The following NEK10 variants were observed in gnomAD, a reference collection of about 807,000 sequenced individuals.
NEK10 encodes the protein serine/threonine-protein kinase Nek10.
NEK10 carries 122 observed loss-of-function variants against 159.8 expected under a neutral mutation model. The observed-to-expected ratio is 0.76, with a 90% CI of 0.66 to 0.89. The LOEUF is 0.89. NEK10 is among the 40% of genes least tolerant of loss of function. The probability of loss-of-function intolerance (pLI) is 0.00; values close to 1 mark genes in which losing one functional copy is unlikely to be tolerated. For synonymous variants in NEK10, 466 were observed against 457.1 expected (o/e 1.02, Z -0.25); for missense variants, 1,342 against 1,323.1 (o/e 1.01, Z -0.22).
chr3:27,183,840 T>G (rs1473749681), intron 26 of NEK10, among the ~76,000 whole-genome samples: 2 of 152,290 alleles, frequency 1.3e-5, no homozygotes, highest in Non-Finnish European at 1.5e-5. Flanking sequence ...AACATAAATG[T>G]GCTCAACCTC....
rs1939083532 is a variant in NEK10 at position 27,107,221 on chromosome 3, T to C, written c.*4051A>G. Among the ~76,000 whole-genome samples the C allele has an allele frequency of 6.6e-6, 1 of 152,046 alleles. No individual in the cohort carries two copies. The highest frequency in any genetic ancestry group is 1.5e-5 in the Non-Finnish European group (1 of 68,018). On this transcript the variant is annotated 3_prime_UTR_variant, in exon 36 of 36. Coordinates refer to ENST00000691995, the MANE Select transcript of NEK10 (RefSeq NM_001394966.1). ...AACTATTGCCCATGAACTCAGAAAA[T>C]ATGTAAATTGGCAATATCCATCAGA...
chr3:27,230,255 A>C (rs906746554), intron 23 of NEK10, among the ~76,000 whole-genome samples: 1 of 152,088 alleles, frequency 6.6e-6, no homozygotes, highest in African/African-American at 2.4e-5. Context: ...CAAGATTTGT[A>C]TAGCCAGTAG....
chr3:27,175,689 G>A (rs548635537), intron 26 of NEK10, among the ~76,000 whole-genome samples: 4 of 152,314 alleles, frequency 2.6e-5, no homozygotes, highest in African/African-American at 7.2e-5. Context: ...CGCAGCAAGC[G>A]TGAAGAGCCT....
In NEK10 at chr3:27,182,058, T is replaced by C. The variant is rs923679986; in HGVS notation, c.2506-7225A>G. 2.0e-5 allele frequency among the ~76,000 whole-genome samples: 3 copies of C among 152,132 alleles called. 1 individual carries two copies. The South Asian group carries it at 6.2e-4, about 32-fold the overall frequency. ...CTTACAGGGCTTGTTTTGAGACTTATTAAAAAGCTACAATATCAAAAGATA... is the reference window on the plus strand; with the variant it reads ...CTTACAGGGCTTGTTTTGAGACTTACTAAAAAGCTACAATATCAAAAGATA... On this transcript the variant is annotated intron_variant, in intron 26 of 35. Transcript: ENST00000691995.
intron 6 of NEK10, among the ~76,000 whole-genome samples, chr3:27,315,028 C>T (rs953660219): frequency 4.6e-5 from 7 of 152,192 alleles, no homozygotes; most frequent in Non-Finnish European, 8.8e-5. Context: ...TCTCCTGATA[C>T]AGGACTTTAA....
At chr3:27,320,705 C>T (rs1476595126) in intron 6 of NEK10, among the ~76,000 whole-genome samples, 2 of 152,210 alleles carry the variant, frequency 1.3e-5, no homozygotes, top group African/African-American at 4.8e-5. Context: ...GATGCCCTGG[C>T]TCACATATCC....
chr3:27,322,471 C>T (rs796336208), intron 5 of NEK10, among the ~76,000 whole-genome samples: 1 of 151,986 alleles, frequency 6.6e-6, no homozygotes, highest in African/African-American at 2.4e-5. Context: ...AGGCCCCCCC[C>T]AAACTTATTT....
chr3:27,265,072 T>C (rs1269478898), intron 22 of NEK10, among the ~76,000 whole-genome samples: 1 of 152,050 alleles, frequency 6.6e-6, no homozygotes, highest in Admixed American at 6.5e-5. Flanking sequence ...ATAAGAATAG[T>C]TGGGTATTTT....
At chr3:27,204,825 A>G (rs76913346) in intron 23 of NEK10, among the ~76,000 whole-genome samples, 21,476 of 129,824 alleles carry the variant, frequency 0.17, 1,551 homozygotes, top group Middle Eastern at 0.29. Context: ...GTATATACCC[A>G]GTAATGGGAT....
intron 1 of NEK10, among the ~76,000 whole-genome samples, chr3:27,368,318 C>CAT (rs559358172): frequency 0.055 from 7,871 of 142,002 alleles, 354 homozygotes; most frequent in African/African-American, 0.15. Flanking sequence ...AGAAGGACTC[C>CAT]ATATATATAT....
rs186339071 is a variant in NEK10, at chr3:27,174,132, T to C, written c.2776+307A>G. On this transcript the variant is annotated intron_variant, in intron 28 of 35. Transcript: ENST00000691995. ...TAACCAACAGGCTCATAAAAGGTCA[T>C]GTCCATTACTCCTGTGGTTATTTGG... is the stretch of plus-strand genomic sequence containing the variant. Among the ~76,000 whole-genome samples the C allele has an allele frequency of 2.0e-3, 310 of 152,348 alleles. 2 individuals carry two copies. The highest frequency in any genetic ancestry group is 7.0e-3 in the African/African-American group (293 of 41,584).
At chr3:27,304,218 G>A (rs1193604343) in intron 12 of NEK10, among the ~76,000 whole-genome samples, 1 of 152,176 alleles carries the variant, frequency 6.6e-6, no homozygotes, top group Admixed American at 6.5e-5. Context: ...CTGGACTAGA[G>A]TTAGTAACAT....
rs768533256 is a variant in NEK10, at chr3:27,174,660, A to T, written c.2679T>A (p.Asn893Lys). Residue 893 changes from asparagine to lysine, a missense_variant, in exon 27 of 36, where the codon AAT becomes AAA. By Grantham distance (94) the Asn-to-Lys change is moderately conservative. Transcript: ENST00000691995. ...TGCCACTAGCAGTACCTTTCTCAGCATTTTCCAGGTTGAAGTTATCATCTG... is the reference window on the plus strand; with the variant it reads ...TGCCACTAGCAGTACCTTTCTCAGCTTTTTCCAGGTTGAAGTTATCATCTG... ...ILSDDNFNLE[N>K]AEKDTYSEVD... is the part of the protein sequence containing the mutation. 1 of 1,609,656 alleles carries T rather than the reference A, an allele frequency of 6.2e-7. No individual in the cohort carries two copies. The highest frequency in any genetic ancestry group is 8.5e-7 in the Non-Finnish European group (1 of 1,178,520).
In NEK10 at chr3:27,174,807, A is replaced by G. The variant is rs771729246; in HGVS notation, c.2532T>C (p.Ser844=). 1 of 1,599,198 alleles carries G rather than the reference A, an allele frequency of 6.3e-7. No individual in the cohort carries two copies. Residue 844 remains serine (S), a synonymous_variant, in exon 27 of 36, where the codon AGT becomes AGC. Transcript: ENST00000691995. ...GGCTGGCTGCTCCACTGCTGCTGCT[A>G]CTCAAACTTGCCTTCTCAAAGGTCT... The part of the protein sequence containing the change: ...SHETFEKASL[S]SSSSGAASLK...
At position 27,272,136 on chromosome 3, in the gene NEK10, A is replaced by G. The variant is rs62255584; in HGVS notation, c.2014+12466T>C. ...ATAGATGCAAGGTATTCCCAACCCT[A>G]TCCACAGGGAACCCAGCTGTTCACA... On this transcript the variant is annotated intron_variant, in intron 22 of 35. Coordinates refer to ENST00000691995, the MANE Select transcript of NEK10 (RefSeq NM_001394966.1). Among the ~76,000 whole-genome samples the G allele has an allele frequency of 2.6e-3, 400 of 152,264 alleles. 1 individual carries two copies. The highest frequency in any genetic ancestry group is 3.0e-3 in the Non-Finnish European group (206 of 68,014).
chr3:27,248,978 T>C (rs186955107), intron 23 of NEK10, among the ~76,000 whole-genome samples: 1 of 152,268 alleles, frequency 6.6e-6, no homozygotes, highest in East Asian at 1.9e-4. Flanking sequence ...TTGTTGATAA[T>C]GGTTTGGCTA....
chr3:27,297,287 T>A (rs763576085), intron 13 of NEK10, 47 bp from the exon 14 acceptor site: 1 of 1,258,130 alleles, frequency 7.9e-7, no homozygotes, highest in Non-Finnish European at 1.2e-6. Context: ...TTACAATAAA[T>A]ATACTATCAC....
chr3:27,210,290 A>G (rs1403856065), intron 23 of NEK10, among the ~76,000 whole-genome samples: 1 of 145,032 alleles, frequency 6.9e-6, no homozygotes, highest in Non-Finnish European at 1.5e-5. Context: ...GAGGCATCAC[A>G]CGGCAAAGGG....
chr3:27,197,927 TCTTGTG>T (rs1053384702), intron 25 of NEK10, among the ~76,000 whole-genome samples: 5 of 152,148 alleles, frequency 3.3e-5, no homozygotes, highest in Admixed American at 3.3e-4. Context: ...TGAAGTATTG[TCTTGTG>T]CTGATTTTCA....
Sources: gnomAD v4.1 joint callset for allele counts (sites outside exome capture counted in the v4.1 genomes callset) on GRCh38, gnomAD v4.1.1 for gene constraint, MANE v1.5 for transcripts, NCBI Gene and HGNC (gene_info 2026-07-23, HGNC 2026-07-21) for gene names.